KIAA1958: variants seen among roughly 807,000 people sequenced by gnomAD.
KIAA1958 encodes KIAA1958, also known as uncharacterized protein KIAA1958.
In KIAA1958, 14 loss-of-function variants were observed where a neutral mutation model predicts 47.2. The observed-to-expected ratio is 0.30, with a 90% confidence interval of 0.20 to 0.46. The LOEUF (loss-of-function observed/expected upper bound fraction) is 0.46. Ranked by LOEUF, KIAA1958 falls within the 20% of genes least tolerant of loss-of-function variation. The pLI, the probability that KIAA1958 is intolerant of heterozygous loss-of-function variation, is 1.00. For synonymous variants in KIAA1958, 354 were observed against 353.3 expected, an observed-to-expected ratio of 1.00 and a Z score of -0.02; for missense variants, 803 against 909.2, an observed-to-expected ratio of 0.88 and a Z score of 1.50.
intron 2 of KIAA1958, among the ~76,000 whole-genome samples, chr9:112,636,099 G>C (rs1009051529): frequency 6.8e-6 from 1 of 147,094 alleles, no homozygotes; most frequent in East Asian, 2.0e-4. Flanking sequence ...AGAAAGAATT[G>C]TTTATTTTAT....
At chr9:112,560,828 G>A (rs1291536493) in intron 1 of KIAA1958, among the ~76,000 whole-genome samples, 6 of 152,098 alleles carry the variant, frequency 3.9e-5, no homozygotes, top group Non-Finnish European at 8.8e-5. Context: ...CTTTTGATAG[G>A]TATCATGGAA....
intron 2 of KIAA1958, among the ~76,000 whole-genome samples, chr9:112,616,135 G>T (rs1341899798): frequency 1.3e-5 from 2 of 152,194 alleles, no homozygotes. Context: ...CCATGTTTTT[G>T]ATGGAAAGAT....
chr9:112,574,437 T>C lies in KIAA1958; in HGVS notation c.357T>C (p.Ser119=). The C allele has an allele frequency of 6.2e-7, 1 of 1,614,148 alleles. No homozygotes were observed. Among genetic ancestry groups the C allele is most frequent in the Non-Finnish European group, 8.5e-7 (1 of 1,180,012 alleles). Reference sequence around the variant, plus strand: ...TAGACTGTAACCGGACCAGAGACTCTTGTGACTTCTCCTACTGTAGTGAGC... The same window carrying C: ...TAGACTGTAACCGGACCAGAGACTCCTGTGACTTCTCCTACTGTAGTGAGC... ...AKLDCNRTRD[S]CDFSYCSEPS... Residue 119 remains serine (S), a synonymous_variant, in exon 2 of 4, where the codon TCT becomes TCC. Coordinates refer to ENST00000337530, the MANE Select transcript of KIAA1958 (RefSeq NM_133465.4).
intron 2 of KIAA1958, among the ~76,000 whole-genome samples, chr9:112,609,618 C>T (rs1458792992): frequency 6.6e-6 from 1 of 152,156 alleles, no homozygotes. Flanking sequence ...GTGGCATGAT[C>T]ATGACTCACT....
intron 2 of KIAA1958, among the ~76,000 whole-genome samples, chr9:112,592,080 T>G (rs904834742): frequency 1.3e-5 from 2 of 152,048 alleles, no homozygotes; most frequent in Admixed American, 1.3e-4. Context: ...GGTGAGTGGT[T>G]TGGTAGGAGT....
At chr9:112,656,065 A>G (rs548615949) in intron 3 of KIAA1958, among the ~76,000 whole-genome samples, 31 of 152,280 alleles carry the variant, frequency 2.0e-4, no homozygotes, top group Middle Eastern at 3.4e-3. Context: ...AGAAGAAAAG[A>G]AAAACAAAAC....
chr9:112,630,498 A>T (rs554312834), intron 2 of KIAA1958, among the ~76,000 whole-genome samples: 129 of 152,308 alleles, frequency 8.5e-4, no homozygotes, highest in African/African-American at 2.5e-3. Context: ...TAATTTAAAA[A>T]TTTTTTAAAT....
intron 1 of KIAA1958, among the ~76,000 whole-genome samples, chr9:112,532,436 T>C (rs1834766294): frequency 1.3e-5 from 2 of 152,230 alleles, no homozygotes; most frequent in Non-Finnish European, 2.9e-5. Flanking sequence ...ATTATGGCCC[T>C]TATCCCTAGG....
chr9:112,645,601 A>G, intron 2 of KIAA1958, 49 bp from the exon 3 acceptor site: 1 of 1,298,760 alleles, frequency 7.7e-7, no homozygotes, highest in Non-Finnish European at 1.1e-6. Flanking sequence ...AATTCTCTAA[A>G]GAAGGGAATG....
chr9:112,530,410 C>T (rs1213796797), intron 1 of KIAA1958, among the ~76,000 whole-genome samples: 1 of 152,130 alleles, frequency 6.6e-6, no homozygotes, highest in Non-Finnish European at 1.5e-5. Context: ...CTATTAGGTG[C>T]TCAAGTATCT....
At chr9:112,525,587 G>T (rs538470865) in intron 1 of KIAA1958, among the ~76,000 whole-genome samples, 1 of 151,974 alleles carries the variant, frequency 6.6e-6, no homozygotes, top group Non-Finnish European at 1.5e-5. Flanking sequence ...CTGCTTTATC[G>T]GTGTTTATTG....
intron 3 of KIAA1958, among the ~76,000 whole-genome samples, chr9:112,655,271 T>G (rs1837129744): frequency 6.6e-6 from 1 of 152,192 alleles, no homozygotes; most frequent in Non-Finnish European, 1.5e-5. Context: ...TTTATGAAGA[T>G]GGAGTCATTT....
intron 1 of KIAA1958, among the ~76,000 whole-genome samples, chr9:112,512,192 A>G (rs1834335444): frequency 6.6e-6 from 1 of 152,226 alleles, no homozygotes; most frequent in African/African-American, 2.4e-5. Context: ...CACCATAACC[A>G]GGCAAGCATA....
At chr9:112,551,268 C>G (rs1287821240) in intron 1 of KIAA1958, among the ~76,000 whole-genome samples, 1 of 152,100 alleles carries the variant, frequency 6.6e-6, no homozygotes, top group Non-Finnish European at 1.5e-5. Flanking sequence ...AAAATAGCTC[C>G]CCATTCCCTG....
rs557493268 is a variant in KIAA1958 at position 112,591,846 on chromosome 9, G to A, written c.1171+16595G>A. On this transcript the variant is annotated intron_variant, in intron 2 of 3. Coordinates refer to ENST00000337530, the MANE Select transcript of KIAA1958 (RefSeq NM_133465.4). ...CGGTGCCACAAAAGGAATAGCACTC[G>A]AATATAAAATTTTCTTTTTAATTCT... 2.0e-3 allele frequency among the ~76,000 whole-genome samples: 303 copies of A among 152,272 alleles called. 2 individuals are homozygous for A. The highest frequency in any genetic ancestry group is 3.5e-3 in the Non-Finnish European group (240 of 68,024).
intron 1 of KIAA1958, among the ~76,000 whole-genome samples, chr9:112,571,604 G>T (rs954604896): frequency 1.3e-5 from 2 of 151,998 alleles, no homozygotes; most frequent in Admixed American, 1.3e-4. Flanking sequence ...TGGACACTGG[G>T]TAGGCAAAAT....
At position 112,669,001 on chromosome 9, in the gene KIAA1958, A is replaced by G. The variant is rs1444918902; in HGVS notation, c.*8932A>G. On this transcript the variant is annotated 3_prime_UTR_variant, in exon 4 of 4. Coordinates refer to ENST00000337530, the MANE Select transcript of KIAA1958 (RefSeq NM_133465.4). ...CACTGTTCTGTAATTTTGTTTTAAT[A>G]TAGAGGATACCCATAATTTCTTAAC... The G allele has an allele frequency of 6.6e-6, 1 of 152,236 alleles. No individual in the cohort carries two copies. Among genetic ancestry groups the G allele is most frequent in the Non-Finnish European group, 1.5e-5 (1 of 68,042 alleles). 9.4% of individuals were successfully genotyped at this position (152,236 alleles called of 1,614,324 possible).
At chr9:112,505,351 G>A (rs1207949091) in intron 1 of KIAA1958, among the ~76,000 whole-genome samples, 4 of 152,122 alleles carry the variant, frequency 2.6e-5, no homozygotes, top group Non-Finnish European at 5.9e-5. Context: ...TAGTTTCCGC[G>A]TTTATAAAAT....
intron 2 of KIAA1958, among the ~76,000 whole-genome samples, chr9:112,591,014 G>C (rs529901732): frequency 3.3e-5 from 5 of 152,250 alleles, no homozygotes; most frequent in Admixed American, 3.3e-4. Flanking sequence ...TGGTGATAAG[G>C]AAAAGAAGGG....
Sources: gnomAD v4.1 joint callset for allele counts (sites outside exome capture counted in the v4.1 genomes callset) on GRCh38, gnomAD v4.1.1 for gene constraint, MANE v1.5 for transcripts, NCBI Gene and HGNC (gene_info 2026-07-23, HGNC 2026-07-21) for gene names.